The following ADAM18 variants were observed in gnomAD, a reference collection of about 807,000 sequenced individuals.
ADAM18 encodes ADAM metallopeptidase domain 18.
In ADAM18, 117 loss-of-function variants were observed where a neutral mutation model predicts 94.4. The ratio of observed to expected loss-of-function variants is 1.24; its 90% CI spans 1.07 to 1.45. The LOEUF is 1.45. ADAM18 is among the 40% of genes most tolerant of loss of function. The probability of loss-of-function intolerance (pLI) is 0.00; values close to 1 mark genes in which losing one functional copy is unlikely to be tolerated. For missense variants in ADAM18, 936 were observed against 880.0 expected (o/e 1.06, Z -0.81); for synonymous variants, 327 against 291.6 (o/e 1.12, Z -1.24).
intron 18 of ADAM18, among the ~76,000 whole-genome samples, chr8:39,713,945 T>C (rs977501951): frequency 1.3e-5 from 2 of 152,186 alleles, no homozygotes; most frequent in Admixed American, 1.3e-4. Context: ...ACTGGGTATA[T>C]ACCCAAAGGA....
At chr8:39,678,243 C>T (rs1241498041) in intron 15 of ADAM18, among the ~76,000 whole-genome samples, 3 of 152,038 alleles carry the variant, frequency 2.0e-5, no homozygotes, top group Non-Finnish European at 4.4e-5. Flanking sequence ...GACTTATAGC[C>T]AGGAAAAACC....
chr8:39,681,386 T>C (rs1420450825), intron 16 of ADAM18, among the ~76,000 whole-genome samples: 1 of 152,154 alleles, frequency 6.6e-6, no homozygotes, highest in Non-Finnish European at 1.5e-5. Flanking sequence ...CAGTCCCAGA[T>C]AACAGATAAC....
At chr8:39,668,398 G>T (rs1212927972) in intron 14 of ADAM18, among the ~76,000 whole-genome samples, 4 of 152,026 alleles carry the variant, frequency 2.6e-5, no homozygotes, top group Non-Finnish European at 5.9e-5. Context: ...ATTGTGGTTT[G>T]ATTTTTGTTT....
rs367687425 is a variant in ADAM18 at position 39,659,892 on chromosome 8, G to A, written c.1231-3903G>A. Reference sequence around the variant, plus strand: ...TGTATTCCCACAACATAATAAAGCTGGATATTAACCTAAAACACATTGTCC... The same window carrying A: ...TGTATTCCCACAACATAATAAAGCTAGATATTAACCTAAAACACATTGTCC... On this transcript the variant is annotated intron_variant, in intron 12 of 19. Transcript: ENST00000265707. Among the ~76,000 whole-genome samples, 14 of 151,928 alleles carry A rather than the reference G, an allele frequency of 9.2e-5. No individual in the cohort carries two copies. The East Asian group carries it at 1.7e-3, about 19-fold the overall frequency.
intron 2 of ADAM18, 81 bp from the exon 3 acceptor site, chr8:39,606,223 CTTT>C: frequency 1.4e-6 from 1 of 735,050 alleles, no homozygotes; most frequent in South Asian, 1.9e-5. Flanking sequence ...TAGATAGACT[CTTT>C]TTATTAACTT....
rs76675456 is a variant in ADAM18, at chr8:39,655,527, G to T, written c.1230+7000G>T. Among the ~76,000 whole-genome samples the T allele has an allele frequency of 5.9e-5, 9 of 152,166 alleles. No homozygotes were observed. In the East Asian group the frequency reaches 1.7e-3, roughly 29 times the overall value. ...GGAAACTCACTATATTTAAGAAAGG[G>T]TATCTGTAAAATCTACAGTTAACAT... On this transcript the variant is annotated intron_variant, in intron 12 of 19. Transcript: ENST00000265707.
chr8:39,725,742 T>G (rs1033913827), intron 19 of ADAM18, among the ~76,000 whole-genome samples: 2 of 152,168 alleles, frequency 1.3e-5, no homozygotes, highest in Admixed American at 1.3e-4. Context: ...ATTTTCTTTA[T>G]CTATTTACCC....
intron 18 of ADAM18, among the ~76,000 whole-genome samples, chr8:39,708,627 C>T (rs1039884808): frequency 3.9e-5 from 6 of 152,216 alleles, no homozygotes; most frequent in African/African-American, 1.4e-4. Context: ...TTCTTGGGAC[C>T]TGTGACAGGG....
At position 39,692,661 on chromosome 8, in the gene ADAM18, C is replaced by T. The variant is rs183758075; in HGVS notation, c.1883C>T (p.Thr628Ile). ...ATGGGATATAACTGTAATGCCACCACAAAATGCAAAGGGAAAGGGGTAAGT... is the reference window on the plus strand; with the variant it reads ...ATGGGATATAACTGTAATGCCACCATAAAATGCAAAGGGAAAGGGGTAAGT... ...HLMGYNCNAT[T>I]KCKGKGICNN... The change falls in exon 17 of 20, where the codon ACA (threonine) becomes ATA (isoleucine). Residue 628 changes from threonine to isoleucine, a missense_variant. Transcript: ENST00000265707. 466 of 1,603,424 alleles carry T rather than the reference C, an allele frequency of 2.9e-4. 4 individuals carry two copies. In the East Asian group the frequency reaches 0.01, roughly 35 times the overall value.
intron 12 of ADAM18, among the ~76,000 whole-genome samples, chr8:39,661,825 C>T (rs908812291): frequency 7.9e-5 from 12 of 151,802 alleles, no homozygotes; most frequent in Non-Finnish European, 1.5e-4. Context: ...AACAGAGCTT[C>T]CATTTGTGAA....
intron 16 of ADAM18, among the ~76,000 whole-genome samples, chr8:39,685,608 C>T (rs896635198): frequency 9.9e-5 from 15 of 152,120 alleles, no homozygotes; most frequent in Non-Finnish European, 4.4e-5. Context: ...CAAAAGGTGG[C>T]TTGGTCATAT....
intron 18 of ADAM18, among the ~76,000 whole-genome samples, chr8:39,721,775 G>A (rs903286160): frequency 6.6e-6 from 1 of 151,496 alleles, no homozygotes; most frequent in African/African-American, 2.4e-5. Context: ...AAGATGTGGA[G>A]AAAAGGGAAC....
At chr8:39,720,158 T>C (rs1822708042) in intron 18 of ADAM18, among the ~76,000 whole-genome samples, 1 of 151,504 alleles carries the variant, frequency 6.6e-6, no homozygotes, top group East Asian at 1.9e-4. Flanking sequence ...TATACACCAA[T>C]ATGGATGAAT....
At chr8:39,708,419 T>TA (rs1822299384) in intron 18 of ADAM18, among the ~76,000 whole-genome samples, 1 of 152,198 alleles carries the variant, frequency 6.6e-6, no homozygotes, top group African/African-American at 2.4e-5. Context: ...TATTACAAAC[T>TA]CTGTAGGCTG....
intron 16 of ADAM18, among the ~76,000 whole-genome samples, chr8:39,690,813 C>A (rs569430676): frequency 6.6e-6 from 1 of 152,170 alleles, no homozygotes; most frequent in Non-Finnish European, 1.5e-5. Context: ...TCTCAAAGAA[C>A]TTAAAACAAT....
chr8:39,609,645 C>A, intron 5 of ADAM18, 84 bp downstream of exon 5: 1 of 918,154 alleles, frequency 1.1e-6, no homozygotes, highest in Non-Finnish European at 1.7e-6. Context: ...AGACACAAAT[C>A]ATGGAAGTTT....
At chr8:39,643,615 G>A (rs1335466240) in intron 10 of ADAM18, among the ~76,000 whole-genome samples, 4 of 152,050 alleles carry the variant, frequency 2.6e-5, no homozygotes, top group Admixed American at 6.6e-5. Flanking sequence ...AAAATGAACA[G>A]AGTGGTTCCT....
At chr8:39,635,401 C>G (rs925323114) in intron 7 of ADAM18, among the ~76,000 whole-genome samples, 2 of 151,980 alleles carry the variant, frequency 1.3e-5, no homozygotes, top group Non-Finnish European at 1.5e-5. Flanking sequence ...GGTGAGATAT[C>G]CCTCTTTGCT....
intron 19 of ADAM18, among the ~76,000 whole-genome samples, chr8:39,728,676 T>C (rs1822989127): frequency 1.3e-5 from 2 of 152,292 alleles, no homozygotes; most frequent in Middle Eastern, 3.4e-3. Context: ...TATTTGGAAG[T>C]TATTTTTTTA....
Sources: gnomAD v4.1 joint callset for allele counts (sites outside exome capture counted in the v4.1 genomes callset) on GRCh38, gnomAD v4.1.1 for gene constraint, MANE v1.5 for transcripts, NCBI Gene and HGNC (gene_info 2026-07-23, HGNC 2026-07-21) for gene names.